GNAO1: variants seen among roughly 807,000 people sequenced by gnomAD.
GNAO1 encodes guanine nucleotide-binding protein G(o) subunit alpha.
For synonymous variants in GNAO1, 164 were observed against 180.7 expected (o/e 0.91, Z 0.74); for missense variants, 166 against 478.7 (o/e 0.35, Z 6.10).
intron 3 of GNAO1, among the ~76,000 whole-genome samples, chr16:56,312,656 A>C (rs977302435): frequency 6.6e-5 from 10 of 152,238 alleles, no homozygotes. Flanking sequence ...GCTGTGGCCG[A>C]AAGGCCCATT....
At chr16:56,220,379 TTCCC>T (rs2036472964) in intron 2 of GNAO1, among the ~76,000 whole-genome samples, 1 of 152,234 alleles carries the variant, frequency 6.6e-6, no homozygotes, top group Non-Finnish European at 1.5e-5. Context: ...TGTGGCCAGG[TTCCC>T]TGGTAAGTCC....
At chr16:56,241,779 G>A (rs115797088) in intron 2 of GNAO1, among the ~76,000 whole-genome samples, 1,816 of 152,284 alleles carry the variant, frequency 0.012, 42 homozygotes, top group African/African-American at 0.042. Flanking sequence ...GTGTCCCTTC[G>A]TGACAAGGCA....
rs1359910633 is a variant in GNAO1 at position 56,351,290 on chromosome 16, CCT to C, written c.724-89_724-88del. 7 of 853,248 alleles carry C rather than the reference CCT, an allele frequency of 8.2e-6. No homozygotes were observed. Among genetic ancestry groups the C allele is most frequent in the Non-Finnish European group, 1.3e-5 (7 of 533,078 alleles). The allele number at this position is 853,248 out of a possible 1,614,324, so 52.9% of individuals were successfully genotyped here. On this transcript the variant is annotated intron_variant, in intron 6 of 8. Coordinates refer to ENST00000262493, the MANE Select transcript of GNAO1 (RefSeq NM_020988.3). This position sits in a 1 kb window ranked among gnomAD's most constrained non-coding sequence, Gnocchi z 6.1. ...GGAGGAGCTGCCGAGTAGCCCAGTC[CCT>C]CTCTGTCAAGCCTAATTCTCTCCTT...
At position 56,333,787 on chromosome 16, in the gene GNAO1, G is replaced by A. The variant is rs185812389; in HGVS notation, c.465-942G>A. ...CAGATGCAGCCTGGGACCCCACATC[G>A]TTCTGTGGTTCAGACACTTGGGGCT... On this transcript the variant is annotated intron_variant, in intron 4 of 8. Transcript: ENST00000262493. Among the ~76,000 whole-genome samples, 373 of 152,374 alleles carry A rather than the reference G, an allele frequency of 2.4e-3. 3 individuals are homozygous for A. Among genetic ancestry groups the A allele is most frequent in the African/African-American group, 8.6e-3 (357 of 41,584 alleles).
chr16:56,289,284 A>G (rs1203080700), intron 3 of GNAO1, among the ~76,000 whole-genome samples: 1 of 152,152 alleles, frequency 6.6e-6, no homozygotes, highest in Non-Finnish European at 1.5e-5. Flanking sequence ...GACACACTCA[A>G]GTTTGGAGCC....
intron 2 of GNAO1, among the ~76,000 whole-genome samples, chr16:56,201,172 C>G (rs1363857866): frequency 1.3e-5 from 2 of 152,074 alleles, no homozygotes; most frequent in Non-Finnish European, 2.9e-5. Context: ...ACACAGTGTG[C>G]TATGGTAGAA....
chr16:56,346,780 C>T (rs1237230767), intron 6 of GNAO1: 1 of 985,558 alleles, frequency 1.0e-6, no homozygotes, highest in Non-Finnish European at 1.2e-6. Context: ...CCCTGCCCTC[C>T]ATGGTCTGCA....
chr16:56,316,851 G>A (rs2037515991), intron 3 of GNAO1, among the ~76,000 whole-genome samples: 1 of 152,170 alleles, frequency 6.6e-6, no homozygotes, highest in Non-Finnish European at 1.5e-5. Context: ...CTTAGGTCTC[G>A]CCCTGGCTCC....
chr16:56,199,699 C>T (rs544574459), intron 2 of GNAO1, among the ~76,000 whole-genome samples: 62 of 152,266 alleles, frequency 4.1e-4, no homozygotes, highest in South Asian at 1.7e-3. Context: ...AGGGCTCTTT[C>T]GGGTTTCCAG....
intron 6 of GNAO1, among the ~76,000 whole-genome samples, 166 bp downstream of exon 6, chr16:56,337,026 C>A (rs1463878804): frequency 6.6e-6 from 1 of 152,242 alleles, no homozygotes; most frequent in Admixed American, 6.5e-5. Context: ...GGCACTCCAC[C>A]AATTCTGTAT....
intron 2 of GNAO1, among the ~76,000 whole-genome samples, chr16:56,220,466 C>T (rs568152591): frequency 9.2e-5 from 14 of 152,234 alleles, no homozygotes; most frequent in African/African-American, 3.4e-4. Context: ...AGTTTGGGGT[C>T]CAAAACTGAG....
intron 3 of GNAO1, among the ~76,000 whole-genome samples, chr16:56,319,190 A>T (rs2037545705): frequency 6.6e-6 from 1 of 152,210 alleles, no homozygotes. Flanking sequence ...GCAGTTTACC[A>T]TCCCAGTTTC....
At chr16:56,325,412 G>A (rs1831943502) in intron 3 of GNAO1, among the ~76,000 whole-genome samples, 1 of 152,216 alleles carries the variant, frequency 6.6e-6, no homozygotes, top group Non-Finnish European at 1.5e-5. Context: ...GGAGGCGGAG[G>A]TTGTGGTGAG....
Position 56,325,126 on chromosome 16 carries a change from G to T in GNAO1, c.304-3505G>T, listed in dbSNP as rs76881236. 2.7e-3 allele frequency among the ~76,000 whole-genome samples: 405 copies of T among 152,306 alleles called. 3 individuals are homozygous for T. The highest frequency in any genetic ancestry group is 9.2e-3 in the African/African-American group (382 of 41,572). ...CTGGGCAGTCAGTCTCTCTCCTCCGGCCTAATCAGAGGGTTGGGAGTTGAA... is the reference window on the plus strand; with the variant it reads ...CTGGGCAGTCAGTCTCTCTCCTCCGTCCTAATCAGAGGGTTGGGAGTTGAA... On this transcript the variant is annotated intron_variant, in intron 3 of 8. Transcript: ENST00000262493.
At chr16:56,295,701 T>C (rs760742365) in intron 3 of GNAO1, among the ~76,000 whole-genome samples, 26 of 152,198 alleles carry the variant, frequency 1.7e-4, no homozygotes, top group Non-Finnish European at 3.4e-4. Context: ...ACTGCCCCAG[T>C]GAGGCAGCCT....
At chr16:56,288,950 A>G (rs1477012569) in intron 3 of GNAO1, among the ~76,000 whole-genome samples, 1 of 150,936 alleles carries the variant, frequency 6.6e-6, no homozygotes, top group Non-Finnish European at 1.5e-5. Flanking sequence ...CCTCCTTTTT[A>G]GTTCTATAAA....
chr16:56,294,902 T>TTAC (rs201482502), intron 3 of GNAO1, among the ~76,000 whole-genome samples: 42,697 of 152,088 alleles, frequency 0.28, 6,457 homozygotes, highest in Middle Eastern at 0.35. Context: ...GGGCCATGCG[T>TTAC]ATATCTTCTC....
At position 56,192,159 on chromosome 16, in the gene GNAO1, T is replaced by TG. The variant is rs1325657277; in HGVS notation, c.-70dup. 4.5e-4 allele frequency: 359 copies of TG among 799,882 alleles called. No homozygotes were observed. Among genetic ancestry groups the TG allele is most frequent in the Non-Finnish European group, 4.2e-4 (198 of 470,552 alleles). 49.5% of individuals were successfully genotyped at this position (799,882 alleles called of 1,614,324 possible). A position where few individuals can be genotyped will look rare whatever the true frequency, so the allele number is the denominator to read the frequency against. Reference sequence around the variant, plus strand: ...CCCCTTGAGCCCAGGCTCTGCTCTCTGGGGGGGTGGGGGGCGCTCCAAGCC... The same window carrying TG: ...CCCCTTGAGCCCAGGCTCTGCTCTCTGGGGGGGGTGGGGGGCGCTCCAAGCC... On this transcript the variant is annotated 5_prime_UTR_variant, in exon 1 of 9. Coordinates refer to ENST00000262493, the MANE Select transcript of GNAO1 (RefSeq NM_020988.3).
At chr16:56,216,475 G>A (rs2036437740) in intron 2 of GNAO1, among the ~76,000 whole-genome samples, 2 of 152,134 alleles carry the variant, frequency 1.3e-5, no homozygotes, top group Admixed American at 6.5e-5. Flanking sequence ...CTTCACATTT[G>A]CACCAGGGAA....
Sources: allele counts gnomAD v4.1 joint callset (sites outside exome capture counted in the v4.1 genomes callset), GRCh38; gene constraint gnomAD v4.1.1; non-coding constraint Gnocchi (gnomAD v3.1); transcripts MANE v1.5; gene names NCBI Gene and HGNC (gene_info 2026-07-23, HGNC 2026-07-21).